Variants in MICAL2 observed in about 807,000 individuals in gnomAD.
MICAL2 encodes the protein microtubule associated monooxygenase, calponin and LIM domain containing 2, also known as [F-actin]-monooxygenase MICAL2.
Under a neutral mutation model 127.3 loss-of-function variants are expected in MICAL2, and 77 were observed. That is an observed-to-expected ratio of 0.60 (90% CI 0.50 to 0.73). The LOEUF (loss-of-function observed/expected upper bound fraction) is 0.73. MICAL2 is among the 30% of genes least tolerant of loss of function. The pLI is 0.00. For synonymous variants in MICAL2, 570 were observed against 551.1 expected, an observed-to-expected ratio of 1.03 and a Z score of -0.48; for missense variants, 1,351 against 1,434.4, an observed-to-expected ratio of 0.94 and a Z score of 0.94.
At chr11:12,280,641 A>G (rs1455526505) in intron 1 of MICAL2, among the ~76,000 whole-genome samples, 5 of 152,196 alleles carry the variant, frequency 3.3e-5, no homozygotes, top group East Asian at 1.9e-4. Context: ...TATCAGGTGC[A>G]TGGGACAAGG....
At chr11:12,148,531 G>C (rs1254556415) in intron 2 of MICAL2, among the ~76,000 whole-genome samples, 1 of 152,170 alleles carries the variant, frequency 6.6e-6, no homozygotes, top group Non-Finnish European at 1.5e-5. Flanking sequence ...GGTCAGAGCT[G>C]GCCAGGTCCT....
intron 32 of MICAL2, among the ~76,000 whole-genome samples, chr11:12,344,802 A>G (rs1040998994): frequency 3.4e-5 from 5 of 148,704 alleles, no homozygotes; most frequent in Admixed American, 2.0e-4. Flanking sequence ...CGCCCGGCCT[A>G]GAAATAATTA....
intron 3 of MICAL2, among the ~76,000 whole-genome samples, chr11:12,166,660 T>C (rs750136591): frequency 8.5e-5 from 13 of 152,164 alleles, no homozygotes; most frequent in Non-Finnish European, 1.5e-5. Context: ...CTTTGTAAAG[T>C]GTAGAAGGCT....
At chr11:12,350,047 A>G in intron 33 of MICAL2, 1 of 758,160 alleles carries the variant, frequency 1.3e-6, no homozygotes, top group Non-Finnish European at 2.2e-6. Flanking sequence ...GTGCATACAG[A>G]ATAGTGATTG....
At chr11:12,157,280 C>T (rs1456987156) in intron 2 of MICAL2, among the ~76,000 whole-genome samples, 1 of 152,180 alleles carries the variant, frequency 6.6e-6, no homozygotes, top group East Asian at 1.9e-4. Flanking sequence ...TGGGGAGGCT[C>T]CTCCTCTCAT....
At chr11:12,341,697 C>T (rs887758079) in intron 32 of MICAL2, among the ~76,000 whole-genome samples, 6 of 152,054 alleles carry the variant, frequency 3.9e-5, no homozygotes, top group African/African-American at 1.4e-4. Context: ...CATGGTGGCG[C>T]ATGCCTGTAG....
At chr11:12,321,354 G>A (rs1170652207) in intron 30 of MICAL2, among the ~76,000 whole-genome samples, 1 of 152,134 alleles carries the variant, frequency 6.6e-6, no homozygotes, top group Admixed American at 6.6e-5. Flanking sequence ...ATCCCATGCA[G>A]GTGTGTCCCC....
chr11:12,159,189 G>A (rs193152238), intron 2 of MICAL2, among the ~76,000 whole-genome samples: 1 of 152,328 alleles, frequency 6.6e-6, no homozygotes, highest in East Asian at 1.9e-4. Context: ...TTCCACTGGA[G>A]CCCGAAGACG....
intron 2 of MICAL2, among the ~76,000 whole-genome samples, chr11:12,148,858 G>A (rs1853256417): frequency 6.6e-6 from 1 of 152,176 alleles, no homozygotes; most frequent in East Asian, 1.9e-4. Context: ...GAACAGTGCA[G>A]CTAAGGATGC....
intron 11 of MICAL2, among the ~76,000 whole-genome samples, chr11:12,223,137 G>A (rs1218759753): frequency 2.6e-5 from 4 of 152,120 alleles, no homozygotes; most frequent in Non-Finnish European, 5.9e-5. Context: ...TTGGTCAATA[G>A]AACAGAAAAT....
chr11:12,337,725 C>G lies in MICAL2; in HGVS notation c.5515+10459C>G, dbSNP rs897508326. 2.2e-4 allele frequency among the ~76,000 whole-genome samples: 33 copies of G among 152,144 alleles called. 1 individual carries two copies. The highest frequency in any genetic ancestry group is 1.7e-3 in the South Asian group (8 of 4,804). Reference sequence around the variant, plus strand: ...TTTCGTTATGTACCCAGTAGTCATTCAGGAGCAGGTTGTTCAGTTTCCATG... The same window carrying G: ...TTTCGTTATGTACCCAGTAGTCATTGAGGAGCAGGTTGTTCAGTTTCCATG... On this transcript the variant is annotated intron_variant, in intron 32 of 34. Coordinates refer to the MICAL2 transcript ENST00000646065.
chr11:12,118,471 GT>G (rs1225449240), intron 1 of MICAL2, among the ~76,000 whole-genome samples: 19 of 152,324 alleles, frequency 1.2e-4, no homozygotes, highest in African/African-American at 4.6e-4. Context: ...CAACCAGGAT[GT>G]AAAGAGACAG....
intron 32 of MICAL2, among the ~76,000 whole-genome samples, chr11:12,328,789 A>C (rs1864382438): frequency 6.6e-6 from 1 of 152,216 alleles, no homozygotes; most frequent in Admixed American, 6.5e-5. Flanking sequence ...TCAATTCTTT[A>C]AGAGTCCAGT....
chr11:12,309,254 A>G (rs1864146180), intron 29 of MICAL2, among the ~76,000 whole-genome samples: 1 of 152,122 alleles, frequency 6.6e-6, no homozygotes, highest in Non-Finnish European at 1.5e-5. Flanking sequence ...TAATTTTCCT[A>G]TTGTACTATC....
intron 29 of MICAL2, among the ~76,000 whole-genome samples, chr11:12,304,188 C>A (rs1312140566): frequency 6.6e-6 from 1 of 151,962 alleles, no homozygotes; most frequent in Admixed American, 6.6e-5. Context: ...TTCTATTGGA[C>A]AACACTGTTA....
chr11:12,248,750 G>GACCTGTTAGGAGGATAAATCTCAGGGAC (rs1861120349), intron 21 of MICAL2, among the ~76,000 whole-genome samples: 1 of 149,652 alleles, frequency 6.7e-6, no homozygotes, highest in African/African-American at 2.5e-5. Flanking sequence ...GCCTTTGTTT[G>GACCTGTTAGGAGGATAAATCTCAGGGAC]ACCTGGTAGG....
intron 21 of MICAL2, among the ~76,000 whole-genome samples, chr11:12,248,739 C>T (rs975381208): frequency 1.3e-4 from 3 of 23,904 alleles, no homozygotes; most frequent in South Asian, 2.9e-3. Flanking sequence ...TGGGGCATCC[C>T]GCCTTTGTTT....
chr11:12,227,697 G>A (rs1482885068), intron 15 of MICAL2, among the ~76,000 whole-genome samples: 1 of 152,200 alleles, frequency 6.6e-6, no homozygotes, highest in South Asian at 2.1e-4. Flanking sequence ...GCCTAATAAA[G>A]AGGTTCCCAA....
chr11:12,248,892 G>T (rs140959056), intron 21 of MICAL2, among the ~76,000 whole-genome samples: 66 of 141,560 alleles, frequency 4.7e-4, no homozygotes, highest in African/African-American at 1.4e-3. Context: ...TTTAATTTGC[G>T]TAGTGCTGGT....
Sources: allele counts gnomAD v4.1 joint callset (sites outside exome capture counted in the v4.1 genomes callset), GRCh38; gene constraint gnomAD v4.1.1; transcripts MANE v1.5; gene names NCBI Gene and HGNC (gene_info 2026-07-23, HGNC 2026-07-21).